RGSL1: variants seen among roughly 807,000 people sequenced by gnomAD.
RGSL1 encodes regulator of G protein signaling like 1.
A neutral mutation model predicts 124.7 loss-of-function variants in RGSL1; 97 were observed. The ratio of observed to expected loss-of-function variants is 0.78; its 90% CI spans 0.66 to 0.92. The LOEUF (loss-of-function observed/expected upper bound fraction) is 0.92, where lower values mean the gene tolerates loss of function less well. RGSL1 is among the 40% of genes least tolerant of loss of function. The probability of loss-of-function intolerance (pLI) is 0.00; values close to 1 mark genes in which losing one functional copy is unlikely to be tolerated. For synonymous variants in RGSL1, 424 were observed against 438.1 expected (o/e 0.97, Z 0.40); for missense variants, 1,233 against 1,288.4 (o/e 0.96, Z 0.66).
intron 10 of RGSL1, among the ~76,000 whole-genome samples, chr1:182,525,246 A>G (rs1386182304): frequency 6.6e-6 from 1 of 152,140 alleles, no homozygotes; most frequent in African/African-American, 2.4e-5. Context: ...ACACACACAA[A>G]CAAAAATCCC....
intron 4 of RGSL1, among the ~76,000 whole-genome samples, chr1:182,470,052 T>C (rs550994127): frequency 6.6e-6 from 1 of 152,186 alleles, no homozygotes; most frequent in Non-Finnish European, 1.5e-5. Context: ...AGTTTCAGTT[T>C]TGCAAGATGA....
In RGSL1 at chr1:182,530,895, C is replaced by T. The variant is rs1659125948; in HGVS notation, c.2349C>T (p.Tyr783=). Residue 783 remains tyrosine, a synonymous_variant, in exon 13 of 22, where the codon TAC becomes TAT. Coordinates refer to ENST00000294854, the MANE Select transcript of RGSL1 (RefSeq NM_001137669.2). ...SRKPSKIVST[Y]LQESQKKGWM... is the part of the protein sequence containing the mutation. ...AGCCCTCAAAGATAGTGTCAACTTA[C>T]CTACAGGAATCCCAGGTTAGTGAAG... 6.5e-7 allele frequency: 1 copy of T among 1,548,444 alleles called. No individual in the cohort carries two copies. The highest frequency in any genetic ancestry group is 1.4e-5 in the African/African-American group (1 of 72,940).
intron 9 of RGSL1, among the ~76,000 whole-genome samples, chr1:182,514,001 C>A (rs773244132): frequency 7.3e-5 from 11 of 151,254 alleles, no homozygotes; most frequent in Non-Finnish European, 1.5e-4. Flanking sequence ...TCAAGCGAGT[C>A]TCCTGCCTCA....
intron 1 of RGSL1, among the ~76,000 whole-genome samples, chr1:182,450,872 A>G (rs1216317534): frequency 6.6e-6 from 1 of 152,112 alleles, no homozygotes; most frequent in Non-Finnish European, 1.5e-5. Context: ...ATTGGCTGGG[A>G]GCGTTGGCTC....
chr1:182,524,879 A>G (rs1298085554), intron 10 of RGSL1, among the ~76,000 whole-genome samples: 3 of 152,354 alleles, frequency 2.0e-5, no homozygotes, highest in South Asian at 4.1e-4. Context: ...TGGGAGCAAG[A>G]TATTCCCAAG....
At chr1:182,512,984 G>A (rs1418066047) in intron 9 of RGSL1, among the ~76,000 whole-genome samples, 2 of 152,138 alleles carry the variant, frequency 1.3e-5, no homozygotes, top group South Asian at 4.1e-4. Context: ...GGGGTTTGGG[G>A]TTTATATGGG....
chr1:182,449,307 A>G (rs1223149833), upstream of RGSL1: 1 of 152,192 alleles, frequency 6.6e-6, no homozygotes, highest in Non-Finnish European at 1.5e-5. Context: ...AATGTAAGTG[A>G]TATTGTATTG....
intron 9 of RGSL1, among the ~76,000 whole-genome samples, chr1:182,501,612 C>A (rs542534620): frequency 6.6e-6 from 1 of 152,204 alleles, no homozygotes; most frequent in South Asian, 2.1e-4. Context: ...AGCCGCTACG[C>A]CCCGCCTTGA....
intron 1 of RGSL1, 28 bp from the exon 2 acceptor site, chr1:182,453,930 G>GT: frequency 3.2e-6 from 4 of 1,241,018 alleles, no homozygotes; most frequent in South Asian, 1.3e-5. Context: ...TTCATGTTTT[G>GT]TTTTTTTATT....
At chr1:182,527,798 TTCTC>T (rs1553270865) in intron 11 of RGSL1, 26 bp downstream of exon 11, 1 of 1,526,018 alleles carries the variant, frequency 6.6e-7, no homozygotes, top group African/African-American at 1.4e-5. Flanking sequence ...TGATCCTGTT[TTCTC>T]TCTCTCTTTA....
At chr1:182,532,552 A>C in intron 13 of RGSL1, 110 bp from the exon 14 acceptor site, 1 of 947,956 alleles carries the variant, frequency 1.1e-6, no homozygotes, top group Non-Finnish European at 1.5e-6. Flanking sequence ...TCCTTTACGG[A>C]GGTGTTGTGA....
chr1:182,516,948 T>C (rs1340839945), intron 9 of RGSL1, among the ~76,000 whole-genome samples: 1 of 152,172 alleles, frequency 6.6e-6, no homozygotes, highest in African/African-American at 2.4e-5. Context: ...GTTTCATACC[T>C]TCAAATGTTT....
At chr1:182,525,638 A>G (rs974701470) in intron 10 of RGSL1, among the ~76,000 whole-genome samples, 2 of 152,146 alleles carry the variant, frequency 1.3e-5, no homozygotes, top group African/African-American at 4.8e-5. Context: ...AAAAGAACAT[A>G]TATTCAAGGG....
intron 10 of RGSL1, among the ~76,000 whole-genome samples, chr1:182,524,538 T>G (rs1008896471): frequency 3.3e-5 from 5 of 152,160 alleles, no homozygotes; most frequent in Admixed American, 6.5e-5. Context: ...ATTTCAGAAC[T>G]CTGTAAATTA....
chr1:182,466,164 T>C (rs1334180012), intron 4 of RGSL1, among the ~76,000 whole-genome samples: 2 of 151,694 alleles, frequency 1.3e-5, no homozygotes, highest in African/African-American at 4.8e-5. Context: ...GAAGAAACTA[T>C]CTAAACATAA....
chr1:182,557,511 C>T (rs1444999824), intron 21 of RGSL1, among the ~76,000 whole-genome samples: 1 of 152,192 alleles, frequency 6.6e-6, no homozygotes, highest in Non-Finnish European at 1.5e-5. Context: ...CTCGTGGTCA[C>T]ATACTGAAAT....
intron 10 of RGSL1, among the ~76,000 whole-genome samples, chr1:182,523,636 T>C (rs1371279940): frequency 6.6e-6 from 1 of 152,156 alleles, no homozygotes; most frequent in South Asian, 2.1e-4. Flanking sequence ...TGACTTCAGT[T>C]AAGACCAAGC....
intron 2 of RGSL1, among the ~76,000 whole-genome samples, chr1:182,454,586 A>ATG (rs68163917): frequency 0.01 from 1,465 of 144,580 alleles, 17 homozygotes; most frequent in African/African-American, 0.023. Context: ...CTTGAGTTGT[A>ATG]TGTGTGTGTG....
At chr1:182,455,353 G>T (rs971302980) in intron 2 of RGSL1, among the ~76,000 whole-genome samples, 3 of 152,096 alleles carry the variant, frequency 2.0e-5, no homozygotes, top group Middle Eastern at 3.2e-3. Context: ...AGGCCAAGGT[G>T]GGGGGATCAC....
Sources: gnomAD v4.1 joint callset for allele counts (sites outside exome capture counted in the v4.1 genomes callset) on GRCh38, gnomAD v4.1.1 for gene constraint, MANE v1.5 for transcripts, NCBI Gene and HGNC (gene_info 2026-07-23, HGNC 2026-07-21) for gene names.